The following CDH12 variants were observed in gnomAD, a reference collection of about 807,000 sequenced individuals.
CDH12 encodes the protein cadherin-12.
CDH12 carries 41 observed loss-of-function variants against 74.1 expected under a neutral mutation model. The observed-to-expected ratio is 0.55, with a 90% confidence interval of 0.43 to 0.72. CDH12 has a LOEUF of 0.72. Among genes scored for constraint, CDH12 ranks in the 30% least tolerant of loss-of-function variants. The probability of loss-of-function intolerance (pLI) is 0.00; values close to 1 mark genes in which losing one functional copy is unlikely to be tolerated. For synonymous variants in CDH12, 399 were observed against 355.0 expected (o/e 1.12, Z -1.39); for missense variants, 945 against 977.2 (o/e 0.97, Z 0.44).
chr5:21,901,611 T>C (rs1209815505), intron 6 of CDH12, among the ~76,000 whole-genome samples: 1 of 152,116 alleles, frequency 6.6e-6, no homozygotes, highest in Non-Finnish European at 1.5e-5. Flanking sequence ...GATTCGCCCA[T>C]CACATTTTGG....
rs550512446 is a variant in CDH12 at position 22,793,911 on chromosome 5, G to T, written c.-523+59147C>A. Among the ~76,000 whole-genome samples, 5 of 151,978 alleles carry T rather than the reference G, an allele frequency of 3.3e-5. No homozygotes were observed. The South Asian group carries it at 1.0e-3, about 32-fold the overall frequency. The stretch of plus-strand genomic sequence containing the variant: ...CTACTCCTTTCTCATTACTATTATT[G>T]CATTGATATTAGCAATCTGCATGTC... On this transcript the variant is annotated intron_variant, in intron 1 of 14. Transcript: ENST00000382254.
intron 6 of CDH12, among the ~76,000 whole-genome samples, chr5:21,924,119 A>G (rs1011089226): frequency 2.0e-5 from 3 of 152,224 alleles, no homozygotes; most frequent in African/African-American, 7.2e-5. Flanking sequence ...AAACTTGGAA[A>G]TAGAAAAACT....
intron 2 of CDH12, among the ~76,000 whole-genome samples, chr5:22,453,264 T>A (rs932093048): frequency 6.6e-6 from 1 of 152,056 alleles, no homozygotes; most frequent in Non-Finnish European, 1.5e-5. Flanking sequence ...GACCAGTATG[T>A]CAAAGAAATG....
chr5:21,898,519 G>C (rs546983353), intron 6 of CDH12, among the ~76,000 whole-genome samples: 107 of 152,050 alleles, frequency 7.0e-4, no homozygotes, highest in Non-Finnish European at 1.3e-3. Flanking sequence ...TGGCTGACAC[G>C]GTGAAACCCC....
intron 2 of CDH12, among the ~76,000 whole-genome samples, chr5:22,465,352 T>C (rs920770183): frequency 6.6e-6 from 1 of 152,006 alleles, no homozygotes; most frequent in African/African-American, 2.4e-5. Flanking sequence ...CTCATAAAGA[T>C]CCTAATCAAA....
intron 3 of CDH12, among the ~76,000 whole-genome samples, chr5:22,251,879 T>C (rs910202879): frequency 1.3e-5 from 2 of 152,138 alleles, no homozygotes; most frequent in Non-Finnish European, 2.9e-5. Flanking sequence ...TAGATGTATT[T>C]TCTTGTGATT....
intron 3 of CDH12, among the ~76,000 whole-genome samples, chr5:22,385,806 A>G (rs1253328667): frequency 1.3e-5 from 2 of 152,028 alleles, no homozygotes; most frequent in African/African-American, 4.8e-5. Context: ...GAAACTTTCA[A>G]TCATGGCAGA....
rs1369489613 is a variant in CDH12, at chr5:22,589,608, A to G, written c.-522-84244T>C. On this transcript the variant is annotated intron_variant, in intron 1 of 14. Transcript: ENST00000382254. ...TCCTTAGCCTTCTTTTAATGCATTT[A>G]ACATATTTGTCCACTTCCTCCTTAG... 3.3e-5 allele frequency among the ~76,000 whole-genome samples: 5 copies of G among 152,162 alleles called. No individual in the cohort carries two copies. The East Asian group carries it at 9.6e-4, about 29-fold the overall frequency.
At chr5:22,730,679 T>C (rs930159174) in intron 1 of CDH12, among the ~76,000 whole-genome samples, 1 of 151,778 alleles carries the variant, frequency 6.6e-6, no homozygotes, top group Non-Finnish European at 1.5e-5. Flanking sequence ...CACATTGAAG[T>C]TGGGAACTCT....
chr5:22,414,265 T>C (rs1166479785), intron 2 of CDH12, among the ~76,000 whole-genome samples: 1 of 151,996 alleles, frequency 6.6e-6, no homozygotes, highest in Non-Finnish European at 1.5e-5. Context: ...TGCACTTATT[T>C]GGTTATCAGA....
intron 1 of CDH12, among the ~76,000 whole-genome samples, chr5:22,762,851 A>G (rs973040925): frequency 6.6e-6 from 1 of 152,006 alleles, no homozygotes; most frequent in South Asian, 2.1e-4. Flanking sequence ...TAGTTATCAC[A>G]ACTTGCTTCA....
At chr5:22,717,466 A>G (rs762613283) in intron 1 of CDH12, among the ~76,000 whole-genome samples, 1 of 152,176 alleles carries the variant, frequency 6.6e-6, no homozygotes, top group African/African-American at 2.4e-5. Flanking sequence ...AGTCAATGAC[A>G]AAACTTCCTA....
At chr5:22,587,558 C>A (rs1348069156) in intron 1 of CDH12, among the ~76,000 whole-genome samples, 1 of 152,166 alleles carries the variant, frequency 6.6e-6, no homozygotes, top group South Asian at 2.1e-4. Context: ...CTAGGATATG[C>A]TGGCAGCTAA....
At chr5:22,302,072 C>A (rs1291888995) in intron 3 of CDH12, among the ~76,000 whole-genome samples, 1 of 151,096 alleles carries the variant, frequency 6.6e-6, no homozygotes, top group Non-Finnish European at 1.5e-5. Context: ...ACATAAAATA[C>A]AAAAACAATT....
At chr5:21,846,487 C>T (rs563744860) in intron 7 of CDH12, among the ~76,000 whole-genome samples, 108 of 152,218 alleles carry the variant, frequency 7.1e-4, no homozygotes, top group Non-Finnish European at 1.3e-3. Context: ...TTTCCCTGTT[C>T]TTAATACAGC....
At chr5:21,874,172 A>G (rs535705352) in intron 6 of CDH12, among the ~76,000 whole-genome samples, 99 of 152,366 alleles carry the variant, frequency 6.5e-4, no homozygotes, top group African/African-American at 2.3e-3. Flanking sequence ...CAAATTTACA[A>G]GAAAAAACAA....
At chr5:22,389,804 C>G (rs2968283) in intron 3 of CDH12, among the ~76,000 whole-genome samples, 1 of 151,306 alleles carries the variant, frequency 6.6e-6, no homozygotes, top group African/African-American at 2.4e-5. Flanking sequence ...CCCACCACCA[C>G]GCCCGGCTAA....
At chr5:22,103,410 C>G (rs10473574) in intron 4 of CDH12, among the ~76,000 whole-genome samples, 88,902 of 151,988 alleles carry the variant, frequency 0.58, 26,537 homozygotes, top group African/African-American at 0.71. Context: ...CTTAGCACCT[C>G]TGCAGCTGCT....
intron 5 of CDH12, among the ~76,000 whole-genome samples, chr5:22,073,878 T>TA (rs1246606560): frequency 6.6e-6 from 1 of 152,064 alleles, no homozygotes; most frequent in Non-Finnish European, 1.5e-5. Flanking sequence ...AATTGGTCCC[T>TA]AAAAATGTGG....
Sources: allele counts gnomAD v4.1 joint callset (sites outside exome capture counted in the v4.1 genomes callset), GRCh38; gene constraint gnomAD v4.1.1; transcripts MANE v1.5; gene names NCBI Gene and HGNC (gene_info 2026-07-23, HGNC 2026-07-21).